DTNA: variants seen among roughly 807,000 people sequenced by gnomAD.
The protein encoded by DTNA is dystrobrevin alpha.
In DTNA, 43 loss-of-function variants were observed where a neutral mutation model predicts 100.7. The ratio of observed to expected loss-of-function variants is 0.43; its 90% CI spans 0.33 to 0.55. The LOEUF (loss-of-function observed/expected upper bound fraction) is 0.55. DTNA is among the 20% of genes least tolerant of loss of function. The pLI is 0.04. For synonymous variants in DTNA, 349 were observed against 347.9 expected (o/e 1.00, Z -0.04); for missense variants, 798 against 953.9 (o/e 0.84, Z 2.15).
intron 19 of DTNA, 27 bp downstream of exon 19, chr18:34,877,835 T>C (rs755281297): frequency 1.1e-5 from 18 of 1,593,302 alleles, no homozygotes; most frequent in South Asian, 3.3e-5. Flanking sequence ...CTCTCATTTG[T>C]CTGCTCATCA....
At chr18:34,838,616 T>TTA in intron 12 of DTNA, 129 bp from the exon 13 acceptor site, 1 of 766,170 alleles carries the variant, frequency 1.3e-6, no homozygotes, top group Admixed American at 1.9e-5. Context: ...AGCACATCAC[T>TTA]TACTACCCTT....
intron 13 of DTNA, among the ~76,000 whole-genome samples, chr18:34,845,305 G>A (rs540350855): frequency 7.2e-5 from 11 of 152,206 alleles, no homozygotes; most frequent in African/African-American, 2.6e-4. Context: ...GGGAGGAAAG[G>A]CATGGACGTA....
At chr18:34,597,640 C>T (rs191628749) in intron 1 of DTNA, among the ~76,000 whole-genome samples, 3 of 152,292 alleles carry the variant, frequency 2.0e-5, no homozygotes, top group Non-Finnish European at 4.4e-5. Flanking sequence ...CACAAAGCCT[C>T]GATCTGTTTC....
At chr18:34,716,813 C>T (rs1324698182) in intron 1 of DTNA, among the ~76,000 whole-genome samples, 1 of 151,936 alleles carries the variant, frequency 6.6e-6, no homozygotes, top group East Asian at 1.9e-4. Context: ...ATCCCTTTAC[C>T]CATGTATATG....
At chr18:34,659,971 A>G (rs2074960427) in intron 1 of DTNA, among the ~76,000 whole-genome samples, 2 of 152,236 alleles carry the variant, frequency 1.3e-5, no homozygotes, top group East Asian at 3.8e-4. Context: ...AACTGTTTTC[A>G]AAACAAAAGT....
At chr18:34,630,117 A>G (rs1486496979) in intron 1 of DTNA, among the ~76,000 whole-genome samples, 4 of 152,002 alleles carry the variant, frequency 2.6e-5, no homozygotes, top group Non-Finnish European at 1.5e-5. Context: ...ACCACTGTAA[A>G]CCTACTTGTT....
At chr18:34,688,547 C>T (rs1410907389) in intron 1 of DTNA, among the ~76,000 whole-genome samples, 5 of 152,110 alleles carry the variant, frequency 3.3e-5, no homozygotes, top group Non-Finnish European at 4.4e-5. Context: ...GTGGGTAACG[C>T]GACCTTTCTC....
intron 17 of DTNA, chr18:34,866,629 CAATTA>C (rs1367668790): frequency 9.9e-7 from 1 of 1,010,898 alleles, no homozygotes; most frequent in Non-Finnish European, 1.2e-6. Flanking sequence ...AAAAATCAGG[CAATTA>C]AATCCCTTTT....
chr18:34,889,515 G>A lies in DTNA; in HGVS notation c.*1781G>A. The A allele has an allele frequency of 1.0e-6, 1 of 985,400 alleles. No individual in the cohort carries two copies. Among genetic ancestry groups the A allele is most frequent in the Non-Finnish European group, 1.2e-6 (1 of 829,930 alleles). 61.0% of individuals were successfully genotyped at this position (985,400 alleles called of 1,614,324 possible). A position where few individuals can be genotyped will look rare whatever the true frequency, so the allele number is the denominator to read the frequency against. Reference sequence around the variant, plus strand: ...TGATTCACTTTTGCTTCTGGGGCTGGCAAAAACCTTCTCTGAACCCACACA... The same window carrying A: ...TGATTCACTTTTGCTTCTGGGGCTGACAAAAACCTTCTCTGAACCCACACA... On this transcript the variant is annotated 3_prime_UTR_variant, in exon 23 of 23. Coordinates refer to ENST00000444659, the MANE Select transcript of DTNA (RefSeq NM_001386795.1).
chr18:34,725,486 CTT>C (rs2147116758), intron 1 of DTNA, among the ~76,000 whole-genome samples: 1 of 151,756 alleles, frequency 6.6e-6, no homozygotes, highest in South Asian at 2.1e-4. Flanking sequence ...AGCCAGCAAA[CTT>C]ATGAAAAAAA....
At chr18:34,679,677 A>G (rs1421401544) in intron 1 of DTNA, 1 of 152,194 alleles carries the variant, frequency 6.6e-6, no homozygotes, top group Non-Finnish European at 1.5e-5. Flanking sequence ...TGAAAAGAAA[A>G]TGGGTTTAAA....
chr18:34,594,196 A>G lies in DTNA; in HGVS notation c.-2+100682A>G, dbSNP rs545347310. Among the ~76,000 whole-genome samples, 63 of 151,848 alleles carry G rather than the reference A, an allele frequency of 4.1e-4. 1 individual carries two copies. Among genetic ancestry groups the G allele is most frequent in the Non-Finnish European group, 7.7e-4 (52 of 67,958 alleles). On this transcript the variant is annotated intron_variant, in intron 1 of 19. Transcript: ENST00000283365. ...GTGGATGGAGGCGTTCTGATTTTAC[A>G]GAGCTTGAGAGAAGACAAGGGAGAG...
chr18:34,518,536 C>T (rs2041869659), intron 1 of DTNA, among the ~76,000 whole-genome samples: 1 of 151,016 alleles, frequency 6.6e-6, no homozygotes, highest in African/African-American at 2.4e-5. Flanking sequence ...TTTTTTTTTC[C>T]TAAAAGTTTC....
intron 1 of DTNA, among the ~76,000 whole-genome samples, chr18:34,606,587 G>T (rs1437622721): frequency 6.6e-6 from 1 of 152,150 alleles, no homozygotes. Context: ...GCAGTGCCCA[G>T]TGGGAAGACA....
chr18:34,818,153 T>C lies in DTNA; in HGVS notation c.710-11T>C, dbSNP rs779960190. On this transcript the variant is annotated splice_polypyrimidine_tract_variant and intron_variant, in intron 7 of 22. Coordinates refer to ENST00000444659, the MANE Select transcript of DTNA (RefSeq NM_001386795.1). ...GTTTTCTTGGTTTTTCTTCACTTAC[T>C]TCCCCCTTAGTCTTCCATCCGGTTG... 1 of 1,613,950 alleles carries C rather than the reference T, an allele frequency of 6.2e-7. No individual in the cohort carries two copies. The highest frequency in any genetic ancestry group is 1.1e-5 in the South Asian group (1 of 91,078).
At chr18:34,602,757 A>G (rs1317035085) in intron 1 of DTNA, among the ~76,000 whole-genome samples, 2 of 152,046 alleles carry the variant, frequency 1.3e-5, no homozygotes, top group African/African-American at 4.8e-5. Flanking sequence ...CATACCTGTA[A>G]TCCCAGCACT....
In DTNA at chr18:34,765,950, C is replaced by A. The variant is rs752985956; in HGVS notation, c.68-11C>A. Reference sequence around the variant, plus strand: ...ATGGCATACCTTATGTGTCCTTTTTCCCCGCACTAGGGGCTCAAGATCTGG... The same window carrying A: ...ATGGCATACCTTATGTGTCCTTTTTACCCGCACTAGGGGCTCAAGATCTGG... On this transcript the variant is annotated splice_polypyrimidine_tract_variant and intron_variant, in intron 2 of 22. Transcript: ENST00000444659. 1.2e-6 allele frequency: 2 copies of A among 1,613,308 alleles called. No homozygotes were observed. The highest frequency in any genetic ancestry group is 8.5e-7 in the Non-Finnish European group (1 of 1,179,558).
At position 34,882,839 on chromosome 18, in the gene DTNA, G is replaced by A. The variant is rs112942864; in HGVS notation, c.2295+638G>A. On this transcript the variant is annotated intron_variant, in intron 21 of 22. Coordinates refer to ENST00000444659, the MANE Select transcript of DTNA (RefSeq NM_001386795.1). ...TAAATGGATACAAAGAACAGGGCACGAGGAAATTGAATAAGCATAAACCCA... is the reference window on the plus strand; with the variant it reads ...TAAATGGATACAAAGAACAGGGCACAAGGAAATTGAATAAGCATAAACCCA... Among the ~76,000 whole-genome samples, 539 of 152,272 alleles carry A rather than the reference G, an allele frequency of 3.5e-3. 3 individuals are homozygous for A. Among genetic ancestry groups the A allele is most frequent in the African/African-American group, 0.013 (522 of 41,558 alleles).
intron 1 of DTNA, among the ~76,000 whole-genome samples, chr18:34,517,253 T>C (rs1018785787): frequency 6.6e-6 from 1 of 152,148 alleles, no homozygotes; most frequent in Non-Finnish European, 1.5e-5. Context: ...TTAATACTCT[T>C]AAATGCCTTC....
Sources: allele counts gnomAD v4.1 joint callset (sites outside exome capture counted in the v4.1 genomes callset), GRCh38; gene constraint gnomAD v4.1.1; transcripts MANE v1.5; gene names NCBI Gene and HGNC (gene_info 2026-07-23, HGNC 2026-07-21).